Variants in SMOC2 observed in about 807,000 individuals in gnomAD.
The protein encoded by SMOC2 is SPARC related modular calcium binding 2.
A neutral mutation model predicts 61.4 loss-of-function variants in SMOC2; 39 were observed. That is an observed-to-expected ratio of 0.64 (90% CI 0.49 to 0.83). SMOC2 has a LOEUF of 0.83. SMOC2 is among the 40% of genes least tolerant of loss of function. The pLI is 0.00. For missense variants in SMOC2, 556 were observed against 592.9 expected, an observed-to-expected ratio of 0.94 and a Z score of 0.65; for synonymous variants, 247 against 239.9, an observed-to-expected ratio of 1.03 and a Z score of -0.27.
chr6:168,478,375 CAGAGTT>C (rs561427587), intron 1 of SMOC2, among the ~76,000 whole-genome samples: 158 of 152,222 alleles, frequency 1.0e-3, no homozygotes, highest in African/African-American at 3.7e-3. Context: ...ATACTAGAGA[CAGAGTT>C]TTAGGGAAGT....
At chr6:168,627,351 A>T (rs1786439854) in intron 9 of SMOC2, among the ~76,000 whole-genome samples, 1 of 152,222 alleles carries the variant, frequency 6.6e-6, no homozygotes, top group South Asian at 2.1e-4. Flanking sequence ...GGCACAGGGA[A>T]GATTTCTCTC....
At chr6:168,578,011 C>G (rs1784846686) in intron 7 of SMOC2, among the ~76,000 whole-genome samples, 2 of 152,220 alleles carry the variant, frequency 1.3e-5, no homozygotes, top group African/African-American at 2.4e-5. Flanking sequence ...TAACTTGTTG[C>G]AAAACCTTGG....
At chr6:168,478,787 C>T (rs2115021014) in intron 1 of SMOC2, among the ~76,000 whole-genome samples, 1 of 148,526 alleles carries the variant, frequency 6.7e-6, no homozygotes, top group African/African-American at 2.5e-5. Flanking sequence ...AGACACTGTC[C>T]TGGGGAAAGG....
chr6:168,646,494 G>C (rs552945984), intron 9 of SMOC2, among the ~76,000 whole-genome samples: 1 of 152,162 alleles, frequency 6.6e-6, no homozygotes, highest in African/African-American at 2.4e-5. Context: ...GTATTTAAAA[G>C]ACAAAGAGAA....
chr6:168,601,127 T>G (rs911432968), intron 8 of SMOC2, among the ~76,000 whole-genome samples: 3 of 152,254 alleles, frequency 2.0e-5, no homozygotes, highest in African/African-American at 7.2e-5. Context: ...TTTTCCAAAT[T>G]TGTCACCAAG....
intron 1 of SMOC2, among the ~76,000 whole-genome samples, chr6:168,507,139 G>A (rs1010362453): frequency 3.3e-5 from 5 of 152,110 alleles, no homozygotes; most frequent in African/African-American, 7.2e-5. Flanking sequence ...AAAAAATGTC[G>A]AGACTGTCTC....
At chr6:168,624,326 T>A (rs1786327281) in intron 9 of SMOC2, among the ~76,000 whole-genome samples, 1 of 152,200 alleles carries the variant, frequency 6.6e-6, no homozygotes, top group South Asian at 2.1e-4. Flanking sequence ...TGGAAGCTAA[T>A]CTGAGCTGCA....
chr6:168,631,259 A>G (rs1408334288), intron 9 of SMOC2, among the ~76,000 whole-genome samples: 2 of 152,208 alleles, frequency 1.3e-5, no homozygotes, highest in African/African-American at 2.4e-5. Context: ...TAGGAAAAAT[A>G]GAAAAGAACC....
At chr6:168,664,253 T>A (rs2275919) in intron 12 of SMOC2, 142 bp downstream of exon 12, 1 of 746,402 alleles carries the variant, frequency 1.3e-6, no homozygotes, top group Non-Finnish European at 2.3e-6. Flanking sequence ...GCAAGCTTAC[T>A]GACTACACCC....
intron 9 of SMOC2, among the ~76,000 whole-genome samples, chr6:168,618,809 C>G (rs73789153): frequency 0.012 from 1,829 of 152,148 alleles, 49 homozygotes; most frequent in African/African-American, 0.041. Flanking sequence ...TATGGGCTCT[C>G]GACGCAGCAG....
At chr6:168,592,174 C>A (rs1317124783) in intron 7 of SMOC2, among the ~76,000 whole-genome samples, 1 of 152,232 alleles carries the variant, frequency 6.6e-6, no homozygotes, top group Admixed American at 6.5e-5. Context: ...CCCTATTTCC[C>A]TAGTTCTCTA....
chr6:168,528,393 G>A (rs2115077575), intron 4 of SMOC2, among the ~76,000 whole-genome samples: 1 of 151,562 alleles, frequency 6.6e-6, no homozygotes, highest in South Asian at 2.1e-4. Flanking sequence ...GAAATGCTAT[G>A]ATCTAGCCCT....
chr6:168,461,378 T>A (rs1489327837), intron 1 of SMOC2, among the ~76,000 whole-genome samples: 1 of 152,038 alleles, frequency 6.6e-6, no homozygotes, highest in Non-Finnish European at 1.5e-5. Flanking sequence ...GTAAGAAAAA[T>A]TTACTTCATT....
chr6:168,655,821 C>T (rs11753421), intron 11 of SMOC2, among the ~76,000 whole-genome samples: 5,136 of 152,212 alleles, frequency 0.034, 170 homozygotes, highest in East Asian at 0.21. Flanking sequence ...TCTCCCTGCC[C>T]ACTTGTGCTA....
chr6:168,653,278 C>A (rs749109844), intron 11 of SMOC2, 50 bp downstream of exon 11: 21 of 1,537,112 alleles, frequency 1.4e-5, no homozygotes, highest in Non-Finnish European at 1.8e-5. Flanking sequence ...GCCCTGAGGC[C>A]TGGGAGGTCT....
At chr6:168,660,321 C>G (rs1034519585) in intron 11 of SMOC2, among the ~76,000 whole-genome samples, 1 of 152,152 alleles carries the variant, frequency 6.6e-6, no homozygotes, top group African/African-American at 2.4e-5. Flanking sequence ...ATCCTGATTT[C>G]AAAAGGTTGT....
At chr6:168,500,659 A>G (rs761830000) in intron 1 of SMOC2, among the ~76,000 whole-genome samples, 28 of 152,140 alleles carry the variant, frequency 1.8e-4, no homozygotes, top group Non-Finnish European at 2.9e-4. Context: ...CTCTGGCCAG[A>G]CACTGCTGGA....
chr6:168,481,323 G>C (rs1294539604), intron 1 of SMOC2, among the ~76,000 whole-genome samples: 1 of 152,068 alleles, frequency 6.6e-6, no homozygotes, highest in Non-Finnish European at 1.5e-5. Flanking sequence ...GTAGCAGAAT[G>C]AACAGGGTAA....
rs115001864 is a variant in SMOC2 at position 168,516,016 on chromosome 6, C to T, written c.256+5930C>T. The stretch of plus-strand genomic sequence containing the variant: ...TGGCTAGTGTAGCACAGTGTCGCCT[C>T]GGCACATATGAGGCTGAGGCTGTCT... On this transcript the variant is annotated intron_variant, in intron 2 of 12. Coordinates refer to ENST00000356284, the MANE Select transcript of SMOC2 (RefSeq NM_001166412.2). 3.8e-3 allele frequency among the ~76,000 whole-genome samples: 571 copies of T among 152,222 alleles called. 1 individual carries two copies. Among genetic ancestry groups the T allele is most frequent in the African/African-American group, 0.013 (550 of 41,538 alleles).
Sources: allele counts gnomAD v4.1 joint callset (sites outside exome capture counted in the v4.1 genomes callset), GRCh38; gene constraint gnomAD v4.1.1; transcripts MANE v1.5; gene names NCBI Gene and HGNC (gene_info 2026-07-23, HGNC 2026-07-21).